SLC12A2: variants seen among roughly 807,000 people sequenced by gnomAD.
SLC12A2 encodes the protein Na-K-2Cl cotransporter 1.
A neutral mutation model predicts 136.3 loss-of-function variants in SLC12A2; 67 were observed. The observed-to-expected ratio is 0.49, with a 90% confidence interval of 0.40 to 0.60. The LOEUF is 0.60. Ranked by LOEUF, SLC12A2 falls within the 20% of genes least tolerant of loss-of-function variation. SLC12A2 has a pLI of 0.00. For synonymous variants in SLC12A2, 619 were observed against 562.9 expected (o/e 1.10, Z -1.41); for missense variants, 1,322 against 1,534.7 (o/e 0.86, Z 2.32).
In SLC12A2 at chr5:128,174,594, A is replaced by T. The variant is rs1561703985; in HGVS notation, c.2857A>T (p.Ser953Cys). The T allele has an allele frequency of 5.6e-6, 9 of 1,609,326 alleles. No homozygotes were observed. The highest frequency in any genetic ancestry group is 7.6e-6 in the Non-Finnish European group (9 of 1,176,974). Reference protein sequence around the residue: ...KSPGTKDVVVSVEYSKKSDLD... With the variant: ...KSPGTKDVVVCVEYSKKSDLD... Reference sequence around the variant, plus strand: ...TCCTGGCACCAAGGATGTGGTAGTAAGTGTGGAATATAGTAAAAAGTCCGA... The same window carrying T: ...TCCTGGCACCAAGGATGTGGTAGTATGTGTGGAATATAGTAAAAAGTCCGA... The change falls in exon 20 of 27, where the codon AGT (serine) becomes TGT (cysteine). Residue 953 changes from serine (S) to cysteine (C), a missense_variant. Coordinates refer to ENST00000262461, the MANE Select transcript of SLC12A2 (RefSeq NM_001046.3).
chr5:128,114,507 C>T, intron 3 of SLC12A2, 79 bp from the exon 4 acceptor site: 1 of 1,026,778 alleles, frequency 9.7e-7, no homozygotes, highest in Non-Finnish European at 1.5e-6. Context: ...ATTCAGTATT[C>T]TTAGACCAAC....
At position 128,083,968 on chromosome 5, in the gene SLC12A2, C is replaced by G; in HGVS notation, c.14C>G (p.Pro5Arg). MEPR[P>R]TAPSSGAPGL... is the part of the protein sequence containing the mutation. ...GGTCGGGCAGCTATGGAGCCGCGGC[C>G]CACGGCGCCCTCCTCCGGCGCCCCG... The change falls in exon 1 of 27, where the codon CCC becomes CGC. Residue 5 changes from proline to arginine, a missense_variant. Physicochemically the swap from Pro to Arg is moderately radical, Grantham distance 103 (BLOSUM62 -2). This residue lies in a region of SLC12A2 where 358 missense variants were observed against 299.7 expected (regional missense o/e 1.19). Coordinates refer to ENST00000262461, the MANE Select transcript of SLC12A2 (RefSeq NM_001046.3). 1 of 1,238,802 alleles carries G rather than the reference C, an allele frequency of 8.1e-7. No homozygotes were observed. The highest frequency in any genetic ancestry group is 1.0e-6 in the Non-Finnish European group (1 of 991,212). 76.7% of individuals were successfully genotyped at this position (1,238,802 alleles called of 1,614,324 possible). A position where few individuals can be genotyped will look rare whatever the true frequency, so the allele number is the denominator to read the frequency against.
At chr5:128,102,596 C>CCTTTTTTTTTTTTTTT (rs1561657602) in intron 1 of SLC12A2, among the ~76,000 whole-genome samples, 1 of 40,450 alleles carries the variant, frequency 2.5e-5, no homozygotes, top group Non-Finnish European at 4.9e-5. Flanking sequence ...CCCCCCCCGC[C>CCTTTTTTTTTTTTTTT]TTTTTTTTTT....
At position 128,134,174 on chromosome 5, in the gene SLC12A2, A is replaced by T; in HGVS notation, c.1198A>T (p.Ile400Leu). The T allele has an allele frequency of 6.4e-7, 1 of 1,551,636 alleles. No individual in the cohort carries two copies. Among genetic ancestry groups the T allele is most frequent in the Non-Finnish European group, 8.9e-7 (1 of 1,124,630 alleles). Residue 400 changes from isoleucine to leucine, a missense_variant, in exon 6 of 27, where the codon ATA (isoleucine) becomes TTA (leucine). By Grantham distance (5) the Ile-to-Leu change is conservative. Coordinates refer to ENST00000262461, the MANE Select transcript of SLC12A2 (RefSeq NM_001046.3). ...TGATTCCTTTTTCTAGGAACATTCC[A>T]TACTTATGATAGATGAAATCAATGA... Reference protein sequence around the residue: ...TVVELLKEHSILMIDEINDIR... With the variant: ...TVVELLKEHSLLMIDEINDIR...
rs139512696 is a variant in SLC12A2, at chr5:128,134,661, G to C, written c.1299+386G>C. Among the ~76,000 whole-genome samples the C allele has an allele frequency of 5.9e-5, 9 of 152,194 alleles. No individual in the cohort carries two copies. In the East Asian group the frequency reaches 1.7e-3, roughly 29 times the overall value. On this transcript the variant is annotated intron_variant, in intron 6 of 26. Transcript: ENST00000262461. ...AAGTTATTGCCCACATGAGGTTAGA[G>C]AAGTTATTCTTGCTATTGAAATTTC...
chr5:128,099,602 C>T (rs1161807723), intron 1 of SLC12A2, among the ~76,000 whole-genome samples: 1 of 152,122 alleles, frequency 6.6e-6, no homozygotes, highest in Non-Finnish European at 1.5e-5. Flanking sequence ...TAACATTTGA[C>T]TTAAAACACA....
chr5:128,086,338 A>G (rs1760098692), intron 1 of SLC12A2, among the ~76,000 whole-genome samples: 1 of 152,198 alleles, frequency 6.6e-6, no homozygotes, highest in African/African-American at 2.4e-5. Context: ...TTTGGTTCAA[A>G]GTATCTAAAA....
intron 1 of SLC12A2, among the ~76,000 whole-genome samples, chr5:128,098,186 T>G (rs1239084747): frequency 6.6e-6 from 1 of 152,140 alleles, no homozygotes; most frequent in Admixed American, 6.5e-5. Context: ...ATCTGTACGT[T>G]GATGTTTTTC....
intron 22 of SLC12A2, among the ~76,000 whole-genome samples, chr5:128,178,998 T>G (rs984996618): frequency 6.6e-6 from 1 of 152,200 alleles, no homozygotes; most frequent in South Asian, 2.1e-4. Flanking sequence ...TAGTTTTAGG[T>G]TATCTACCTT....
Position 128,084,813 on chromosome 5 carries a change from C to A in SLC12A2, c.756+103C>A. 7.9e-7 allele frequency: 1 copy of A among 1,261,018 alleles called. No individual in the cohort carries two copies. The highest frequency in any genetic ancestry group is 1.1e-6 in the Non-Finnish European group (1 of 935,810). The allele number at this position is 1,261,018 out of a possible 1,614,324, so 78.1% of individuals were successfully genotyped here. A position where few individuals can be genotyped will look rare whatever the true frequency, so the allele number is the denominator to read the frequency against. ...GAGTTGAGGTGGCGGGAGTAGTAGA[C>A]GTGCACGACTTGCTGGCATCTCTGG... On this transcript the variant is annotated intron_variant, in intron 1 of 26. Coordinates refer to ENST00000262461, the MANE Select transcript of SLC12A2 (RefSeq NM_001046.3). The surrounding 1 kb of genome is among the most constrained non-coding windows in gnomAD (Gnocchi z 5.6).
chr5:128,138,190 C>T (rs562650029), intron 7 of SLC12A2, among the ~76,000 whole-genome samples: 14 of 152,268 alleles, frequency 9.2e-5, no homozygotes, highest in African/African-American at 2.6e-4. Flanking sequence ...CTGCCTGCTT[C>T]GGTCTCCCAA....
chr5:128,120,692 C>T (rs1174631863), intron 4 of SLC12A2, among the ~76,000 whole-genome samples: 3 of 151,740 alleles, frequency 2.0e-5, no homozygotes, highest in Admixed American at 2.0e-4. Context: ...GGGAACATCA[C>T]ACTCTGGGGA....
intron 1 of SLC12A2, among the ~76,000 whole-genome samples, chr5:128,092,793 A>C (rs1760384624): frequency 6.6e-6 from 1 of 151,784 alleles, no homozygotes; most frequent in Admixed American, 6.6e-5. Flanking sequence ...GTGTAGATGT[A>C]AACAGTACTT....
In SLC12A2 at chr5:128,171,786, A is replaced by G. The variant is rs1763383643; in HGVS notation, c.2803+40A>G. ...CAATAAGTTTTTTATTTACAAAAATATAAACTACTTTGTTAGAAAATTATA... is the reference window on the plus strand; with the variant it reads ...CAATAAGTTTTTTATTTACAAAAATGTAAACTACTTTGTTAGAAAATTATA... On this transcript the variant is annotated intron_variant, in intron 19 of 26. Coordinates refer to ENST00000262461, the MANE Select transcript of SLC12A2 (RefSeq NM_001046.3). The G allele has an allele frequency of 4.3e-6, 5 of 1,153,864 alleles. No individual in the cohort carries two copies. The South Asian group carries it at 5.5e-5, about 13-fold the overall frequency. 71.5% of individuals were successfully genotyped at this position (1,153,864 alleles called of 1,614,324 possible).
Position 128,090,063 on chromosome 5 carries a change from C to A in SLC12A2, c.756+5353C>A, listed in dbSNP as rs1174571639. On this transcript the variant is annotated intron_variant, in intron 1 of 26. Coordinates refer to ENST00000262461, the MANE Select transcript of SLC12A2 (RefSeq NM_001046.3). ...TTGCCAGGGGCTTTGCCCTGCTAAA[C>A]CCATGCTACTTGCCATTGAAGTCAG... is the stretch of plus-strand genomic sequence containing the variant. 3.9e-5 allele frequency among the ~76,000 whole-genome samples: 6 copies of A among 152,306 alleles called. No individual in the cohort carries two copies. In the East Asian group the frequency reaches 7.7e-4, roughly 20 times the overall value.
intron 9 of SLC12A2, among the ~76,000 whole-genome samples, chr5:128,140,657 G>A (rs1387619213): frequency 6.7e-6 from 1 of 149,916 alleles, no homozygotes; most frequent in African/African-American, 2.5e-5. Context: ...AGTAAAGGCA[G>A]CCTCTACACC....
chr5:128,133,122 C>T (rs1394602633), intron 5 of SLC12A2, among the ~76,000 whole-genome samples: 2 of 150,412 alleles, frequency 1.3e-5, no homozygotes, highest in Admixed American at 1.3e-4. Context: ...GGAATTTCAA[C>T]GATCAGATTA....
intron 1 of SLC12A2, among the ~76,000 whole-genome samples, chr5:128,089,709 A>G (rs983098223): frequency 1.1e-4 from 16 of 152,342 alleles, no homozygotes; most frequent in African/African-American, 3.4e-4. Flanking sequence ...GGCACTTAAT[A>G]AAGATTTGTT....
At chr5:128,126,962 ATATATTTTT>A (rs1761823483) in intron 4 of SLC12A2, among the ~76,000 whole-genome samples, 8 of 23,312 alleles carry the variant, frequency 3.4e-4, no homozygotes, top group African/African-American at 2.1e-3. Context: ...ATATATATAT[ATATATTTTT>A]TTTTTTTTTT....
Sources: gnomAD v4.1 joint callset for allele counts (sites outside exome capture counted in the v4.1 genomes callset) on GRCh38, gnomAD v4.1.1 for gene constraint, gnomAD v4.1.1 regional missense constraint, Gnocchi (gnomAD v3.1) non-coding constraint, MANE v1.5 for transcripts, NCBI Gene and HGNC (gene_info 2026-07-23, HGNC 2026-07-21) for gene names.